STAG1: variants seen among roughly 807,000 people sequenced by gnomAD.
The protein encoded by STAG1 is STAG1 cohesin complex component.
Under a neutral mutation model 170.9 loss-of-function variants are expected in STAG1, and 26 were observed. The ratio of observed to expected loss-of-function variants is 0.15; its 90% CI spans 0.11 to 0.21. STAG1 has a LOEUF of 0.21. Among genes scored for constraint, STAG1 ranks in the 10% least tolerant of loss-of-function variants. The pLI, the probability that STAG1 is intolerant of heterozygous loss-of-function variation, is 1.00. For missense variants in STAG1, 964 were observed against 1,509.5 expected (o/e 0.64, Z 5.99); for synonymous variants, 514 against 497.7 (o/e 1.03, Z -0.44).
At chr3:136,671,007 G>A (rs567219117) in intron 1 of STAG1, among the ~76,000 whole-genome samples, 2 of 152,212 alleles carry the variant, frequency 1.3e-5, no homozygotes, top group East Asian at 1.9e-4. Context: ...AGTACCGGCC[G>A]GGTGTGGTGA....
chr3:136,453,959 G>T (rs535184697), intron 13 of STAG1, among the ~76,000 whole-genome samples: 2 of 152,032 alleles, frequency 1.3e-5, no homozygotes, highest in African/African-American at 4.8e-5. Flanking sequence ...CATATTAGGG[G>T]ACTAGAGAAC....
intron 1 of STAG1, among the ~76,000 whole-genome samples, chr3:136,632,131 A>G (rs1242680448): frequency 1.3e-5 from 2 of 152,226 alleles, no homozygotes; most frequent in African/African-American, 4.8e-5. Context: ...GGGGAAAAAA[A>G]AAGTCAACCC....
intron 6 of STAG1, among the ~76,000 whole-genome samples, chr3:136,527,115 A>G (rs1420304117): frequency 6.6e-6 from 1 of 151,998 alleles, no homozygotes; most frequent in Non-Finnish European, 1.5e-5. Flanking sequence ...CATTCTCTGT[A>G]TTTCCTGAAT....
At chr3:136,492,892 T>C (rs984021042) in intron 9 of STAG1, among the ~76,000 whole-genome samples, 2 of 152,114 alleles carry the variant, frequency 1.3e-5, no homozygotes, top group East Asian at 3.9e-4. Flanking sequence ...GGTGGGTTAG[T>C]AACTAATGTA....
chr3:136,561,947 CTTCT>C (rs1039527550), intron 5 of STAG1, among the ~76,000 whole-genome samples: 4 of 151,912 alleles, frequency 2.6e-5, no homozygotes, highest in Non-Finnish European at 5.9e-5. Flanking sequence ...CCGTTTTATC[CTTCT>C]TTCACTCTTC....
At chr3:136,521,848 G>A (rs957047599) in intron 6 of STAG1, among the ~76,000 whole-genome samples, 1 of 152,120 alleles carries the variant, frequency 6.6e-6, no homozygotes, top group Non-Finnish European at 1.5e-5. Context: ...TTTAAGAAGT[G>A]AGAATTTCAA....
At chr3:136,352,203 C>T (rs546686588) in intron 28 of STAG1, among the ~76,000 whole-genome samples, 59 of 152,166 alleles carry the variant, frequency 3.9e-4, no homozygotes, top group African/African-American at 1.3e-3. Flanking sequence ...ACTCTGTCAC[C>T]GAGGTTGGAG....
At chr3:136,346,770 C>A (rs1936237630) in intron 29 of STAG1, among the ~76,000 whole-genome samples, 1 of 152,144 alleles carries the variant, frequency 6.6e-6, no homozygotes, top group South Asian at 2.1e-4. Flanking sequence ...TAGTACCTAG[C>A]AAAAATTTGA....
intron 7 of STAG1, among the ~76,000 whole-genome samples, chr3:136,511,128 T>C (rs1253802422): frequency 1.3e-5 from 2 of 152,180 alleles, no homozygotes; most frequent in Non-Finnish European, 2.9e-5. Flanking sequence ...CTCACTTCCA[T>C]CCAGCTGCCC....
At chr3:136,432,291 A>G (rs1390934207) in intron 16 of STAG1, among the ~76,000 whole-genome samples, 1 of 151,854 alleles carries the variant, frequency 6.6e-6, no homozygotes, top group Admixed American at 6.6e-5. Context: ...TTGTTTTCAT[A>G]TTTTCCTGTA....
intron 1 of STAG1, among the ~76,000 whole-genome samples, chr3:136,649,745 G>A (rs961944146): frequency 6.7e-6 from 1 of 150,010 alleles, no homozygotes; most frequent in Non-Finnish European, 1.5e-5. Flanking sequence ...GTGAGACCTC[G>A]TTTCCGTAGC....
intron 6 of STAG1, among the ~76,000 whole-genome samples, chr3:136,531,731 A>C (rs1342455918): frequency 7.4e-6 from 1 of 135,250 alleles, no homozygotes; most frequent in Non-Finnish European, 1.6e-5. Context: ...GGACACAGGA[A>C]GGGGAATATC....
At chr3:136,669,945 CT>C (rs1383454604) in intron 1 of STAG1, among the ~76,000 whole-genome samples, 1 of 152,186 alleles carries the variant, frequency 6.6e-6, no homozygotes, top group Non-Finnish European at 1.5e-5. Context: ...TTATGTGCTA[CT>C]AATTGGTAAC....
chr3:136,632,743 C>A (rs1940381571), intron 1 of STAG1, among the ~76,000 whole-genome samples: 1 of 151,980 alleles, frequency 6.6e-6, no homozygotes, highest in African/African-American at 2.4e-5. Context: ...TCAGAGGAGG[C>A]CTGAGAGAAG....
intron 16 of STAG1, among the ~76,000 whole-genome samples, chr3:136,424,009 A>T (rs1194280325): frequency 6.6e-6 from 1 of 151,594 alleles, no homozygotes; most frequent in African/African-American, 2.4e-5. Context: ...GACTATGGGT[A>T]TGTCCTACCA....
intron 12 of STAG1, among the ~76,000 whole-genome samples, chr3:136,466,593 A>G (rs1437104066): frequency 6.6e-6 from 1 of 152,242 alleles, no homozygotes; most frequent in Non-Finnish European, 1.5e-5. Flanking sequence ...GATATTATCC[A>G]GGAGAACTTC....
chr3:136,669,625 C>T (rs1037556127), intron 1 of STAG1, among the ~76,000 whole-genome samples: 2 of 152,196 alleles, frequency 1.3e-5, no homozygotes, highest in African/African-American at 4.8e-5. Context: ...TCCCAAAGTG[C>T]TGGGATTACA....
intron 16 of STAG1, among the ~76,000 whole-genome samples, chr3:136,425,660 T>A (rs988512322): frequency 6.6e-6 from 1 of 151,352 alleles, no homozygotes; most frequent in Non-Finnish European, 1.5e-5. Flanking sequence ...AATACCAATA[T>A]GAATGTATGA....
intron 1 of STAG1, among the ~76,000 whole-genome samples, chr3:136,706,325 T>A (rs116433142): frequency 6.6e-6 from 1 of 152,102 alleles, no homozygotes; most frequent in Non-Finnish European, 1.5e-5. Context: ...CACAATCCTA[T>A]ATATAAAATA....
Sources: allele counts gnomAD v4.1 joint callset (sites outside exome capture counted in the v4.1 genomes callset), GRCh38; gene constraint gnomAD v4.1.1; transcripts MANE v1.5; gene names NCBI Gene and HGNC (gene_info 2026-07-23, HGNC 2026-07-21).